WDR27: variants seen among roughly 807,000 people sequenced by gnomAD.
The protein encoded by WDR27 is WD repeat-containing protein 27.
A neutral mutation model predicts 114.4 loss-of-function variants in WDR27; 100 were observed. The ratio of observed to expected loss-of-function variants is 0.87; its 90% CI spans 0.74 to 1.03. WDR27 has a LOEUF of 1.03. WDR27 is among the 50% of genes least tolerant of loss of function. WDR27 has a pLI of 0.00. For synonymous variants in WDR27, 449 were observed against 423.1 expected (o/e 1.06, Z -0.75); for missense variants, 1,129 against 1,092.9 (o/e 1.03, Z -0.47).
intron 21 of WDR27, among the ~76,000 whole-genome samples, chr6:169,620,359 A>C (rs891718205): frequency 2.6e-5 from 4 of 152,218 alleles, no homozygotes; most frequent in African/African-American, 4.8e-5. Context: ...CAATTTGCCC[A>C]CAAGGAAATT....
intron 4 of WDR27, among the ~76,000 whole-genome samples, chr6:169,668,428 T>A (rs1387149339): frequency 6.6e-6 from 1 of 152,170 alleles, no homozygotes; most frequent in Non-Finnish European, 1.5e-5. Context: ...TCCCCGCCTG[T>A]AACTCAGAAT....
chr6:169,546,798 A>G (rs1465380557), intron 25 of WDR27, among the ~76,000 whole-genome samples: 2 of 152,164 alleles, frequency 1.3e-5, no homozygotes, highest in African/African-American at 4.8e-5. Flanking sequence ...TCTAATCAAC[A>G]ATAACTGTAC....
intron 25 of WDR27, among the ~76,000 whole-genome samples, chr6:169,544,286 T>C (rs1415927178): frequency 6.6e-6 from 1 of 151,860 alleles, no homozygotes; most frequent in African/African-American, 2.4e-5. Flanking sequence ...AAATAAACTG[T>C]CCCTATTTGC....
chr6:169,665,093 G>A (rs538727580), intron 7 of WDR27: 7 of 897,844 alleles, frequency 7.8e-6, no homozygotes, highest in Middle Eastern at 6.0e-4. Context: ...CGCGGGCAGC[G>A]TGCGGGCACG....
intron 23 of WDR27, among the ~76,000 whole-genome samples, chr6:169,598,083 C>A (rs1807202578): frequency 6.6e-6 from 1 of 151,192 alleles, no homozygotes; most frequent in African/African-American, 2.5e-5. Flanking sequence ...CTGATAGGCA[C>A]CCTAGTTAGT....
At chr6:169,623,999 C>G (rs1814018705) in intron 21 of WDR27, among the ~76,000 whole-genome samples, 2 of 152,174 alleles carry the variant, frequency 1.3e-5, no homozygotes, top group African/African-American at 4.8e-5. Flanking sequence ...GAACACCAGA[C>G]ACAGGATTGG....
At chr6:169,636,935 C>T (rs1040864028) in intron 18 of WDR27, among the ~76,000 whole-genome samples, 3 of 152,230 alleles carry the variant, frequency 2.0e-5, no homozygotes, top group Non-Finnish European at 4.4e-5. Context: ...TGCTGCCAAA[C>T]GCTTCACCTT....
intron 23 of WDR27, among the ~76,000 whole-genome samples, chr6:169,599,607 T>C (rs771505215): frequency 3.9e-5 from 6 of 152,192 alleles, no homozygotes; most frequent in Non-Finnish European, 8.8e-5. Flanking sequence ...GGTGGTGATA[T>C]CCCCTTTATT....
chr6:169,636,365 G>A lies in WDR27; in HGVS notation c.2003+6C>T, dbSNP rs1817661137. The A allele has an allele frequency of 2.5e-6, 4 of 1,613,470 alleles. No homozygotes were observed. Among genetic ancestry groups the A allele is most frequent in the East Asian group, 2.2e-5 (1 of 44,850 alleles). On this transcript the variant is annotated splice_donor_region_variant and intron_variant, in intron 19 of 25. Coordinates refer to ENST00000448612, the MANE Select transcript of WDR27 (RefSeq NM_182552.5). ...AAAAATAATGCACAGGGCGGGGGGT[G>A]CCTACCTCTTAATCTCATCTTTGCA...
intron 25 of WDR27, among the ~76,000 whole-genome samples, chr6:169,547,935 G>C (rs1797661177): frequency 6.6e-6 from 1 of 151,586 alleles, no homozygotes; most frequent in South Asian, 2.1e-4. Flanking sequence ...AAACCTTCTG[G>C]AACAAACAGT....
chr6:169,593,338 G>A lies in WDR27; in HGVS notation c.2424+8881C>T, dbSNP rs1584452134. ...GCCTGTTAAATTTGTTTCTACTTTG[G>A]GGGCCAGTTTGATAAACTAAATTTC... is the stretch of plus-strand genomic sequence containing the variant. On this transcript the variant is annotated intron_variant, in intron 23 of 25. Coordinates refer to ENST00000448612, the MANE Select transcript of WDR27 (RefSeq NM_182552.5). Among the ~76,000 whole-genome samples the A allele has an allele frequency of 2.0e-5, 3 of 152,178 alleles. No homozygotes were observed. The South Asian group carries it at 6.2e-4, about 32-fold the overall frequency.
chr6:169,458,352 C>G (rs1448292629), intron 25 of WDR27, among the ~76,000 whole-genome samples: 1 of 152,142 alleles, frequency 6.6e-6, no homozygotes, highest in South Asian at 2.1e-4. Context: ...AATAGGCGAG[C>G]AGCCATTGTT....
At chr6:169,574,574 G>T (rs1466547608) in intron 24 of WDR27, among the ~76,000 whole-genome samples, 3 of 152,196 alleles carry the variant, frequency 2.0e-5, no homozygotes, top group Non-Finnish European at 4.4e-5. Flanking sequence ...GAACGTGCCA[G>T]CCTCGGTCCC....
chr6:169,430,500 T>C, the WDR27 span, among the ~76,000 whole-genome samples: 2 of 152,272 alleles, frequency 1.3e-5, no homozygotes, highest in African/African-American at 4.8e-5. Context: ...CCCTCCTACA[T>C]CTCCAGCCCC....
intron 25 of WDR27, among the ~76,000 whole-genome samples, chr6:169,517,509 TA>T (rs1793825847): frequency 6.6e-6 from 1 of 152,302 alleles, no homozygotes; most frequent in East Asian, 1.9e-4. Context: ...AATAAAAGAT[TA>T]AAAAACTAAA....
chr6:169,631,426 T>C (rs1006779219), intron 21 of WDR27, among the ~76,000 whole-genome samples: 1 of 144,960 alleles, frequency 6.9e-6, no homozygotes, highest in Non-Finnish European at 1.5e-5. Context: ...GGTGGTGGGG[T>C]GGGGGGGTGG....
At chr6:169,675,335 T>C (rs1314008025) in intron 2 of WDR27, among the ~76,000 whole-genome samples, 3 of 152,204 alleles carry the variant, frequency 2.0e-5, no homozygotes, top group Non-Finnish European at 4.4e-5. Context: ...ACATGCCTGT[T>C]TTCCCTTTGC....
chr6:169,533,667 G>A (rs1795875021), intron 25 of WDR27, among the ~76,000 whole-genome samples: 1 of 152,172 alleles, frequency 6.6e-6, no homozygotes, highest in Non-Finnish European at 1.5e-5. Context: ...AGCCCCCAAG[G>A]AAGGAGCTGT....
At chr6:169,464,910 G>T (rs1275944694) in intron 25 of WDR27, among the ~76,000 whole-genome samples, 6 of 152,196 alleles carry the variant, frequency 3.9e-5, no homozygotes, top group African/African-American at 1.4e-4. Context: ...ATCACCTGAG[G>T]TCAGGAGTTC....
Sources: allele counts gnomAD v4.1 joint callset (sites outside exome capture counted in the v4.1 genomes callset), GRCh38; gene constraint gnomAD v4.1.1; transcripts MANE v1.5; gene names NCBI Gene and HGNC (gene_info 2026-07-23, HGNC 2026-07-21).